The following TRIM14 variants were observed in gnomAD, a reference collection of about 807,000 sequenced individuals.
TRIM14 encodes the protein tripartite motif containing 14.
Under a neutral mutation model 44.5 loss-of-function variants are expected in TRIM14, and 28 were observed. That is an observed-to-expected ratio of 0.63 (90% CI 0.47 to 0.86). The LOEUF (loss-of-function observed/expected upper bound fraction) is 0.86. Ranked by LOEUF, TRIM14 falls within the 40% of genes least tolerant of loss-of-function variation. TRIM14 has a pLI of 0.00. For synonymous variants in TRIM14, 299 were observed against 269.2 expected (o/e 1.11, Z -1.08); for missense variants, 607 against 611.1 (o/e 0.99, Z 0.07).
the TRIM14 span, among the ~76,000 whole-genome samples, chr9:98,040,664 CTT>C: frequency 6.8e-6 from 1 of 146,526 alleles, no homozygotes; most frequent in Non-Finnish European, 1.5e-5. Context: ...ATTTTCTTTT[CTT>C]TTTTTTTTTG....
chr9:98,100,198 T>G lies in TRIM14; in HGVS notation c.304-34A>C, dbSNP rs1486418275. 3.8e-6 allele frequency: 6 copies of G among 1,579,452 alleles called. No individual in the cohort carries two copies. In the African/African-American group the frequency reaches 5.4e-5, roughly 14 times the overall value. ...AGAAAAACCAGTTGCAGATGACATG[T>G]CTGCCAACCAGGAAATCCAGAATAA... On this transcript the variant is annotated intron_variant, in intron 2 of 5. Coordinates refer to ENST00000341469, the MANE Select transcript of TRIM14 (RefSeq NM_014788.4).
At chr9:98,112,943 G>A (rs1372570267) in intron 1 of TRIM14, among the ~76,000 whole-genome samples, 2 of 151,270 alleles carry the variant, frequency 1.3e-5, no homozygotes, top group African/African-American at 4.9e-5. Context: ...GTGAAACCCC[G>A]TCTCTACTAA....
chr9:98,078,605 G>GT (rs1344046758), intron 6 of TRIM14, among the ~76,000 whole-genome samples: 1 of 152,050 alleles, frequency 6.6e-6, no homozygotes, highest in African/African-American at 2.4e-5. Context: ...GGAGGTCGAG[G>GT]TGGGCAGATC....
At chr9:98,056,797 C>T in the TRIM14 span, 29 of 1,609,508 alleles carry the variant, frequency 1.8e-5, no homozygotes, top group Admixed American at 1.7e-5. Context: ...CTTTGGACCC[C>T]GAGCCGCTGC....
the TRIM14 span, among the ~76,000 whole-genome samples, chr9:98,055,151 T>C: frequency 6.6e-6 from 1 of 152,144 alleles, no homozygotes; most frequent in East Asian, 1.9e-4. Context: ...TCCCAAGTAG[T>C]TGGGATTACA....
intron 2 of TRIM14, among the ~76,000 whole-genome samples, chr9:98,106,859 T>A (rs1826634286): frequency 6.7e-6 from 1 of 149,556 alleles, no homozygotes; most frequent in South Asian, 2.1e-4. Context: ...ATGGTCTCGC[T>A]CTGTCACCCA....
At chr9:98,043,795 C>T in the TRIM14 span, among the ~76,000 whole-genome samples, 2 of 151,148 alleles carry the variant, frequency 1.3e-5, no homozygotes, top group African/African-American at 4.9e-5. Flanking sequence ...AGAGTTAAAG[C>T]AAGCAGAAAA....
the TRIM14 span, among the ~76,000 whole-genome samples, chr9:98,041,919 G>A: frequency 6.6e-6 from 1 of 151,598 alleles, no homozygotes; most frequent in African/African-American, 2.4e-5. Context: ...CCTGACCTCA[G>A]TGATCTGCCC....
chr9:98,037,196 G>A, the TRIM14 span, among the ~76,000 whole-genome samples: 3 of 152,086 alleles, frequency 2.0e-5, no homozygotes, highest in African/African-American at 7.2e-5. Flanking sequence ...TGGCCAACAT[G>A]GTGAAAGCCT....
the TRIM14 span, among the ~76,000 whole-genome samples, chr9:98,059,716 CTT>C: frequency 6.6e-6 from 1 of 151,292 alleles, no homozygotes; most frequent in Non-Finnish European, 1.5e-5. Context: ...TGCCTGACCT[CTT>C]GAGTGTTTTT....
chr9:98,114,151 G>A (rs945209741), intron 1 of TRIM14, among the ~76,000 whole-genome samples: 4 of 152,116 alleles, frequency 2.6e-5, no homozygotes, highest in African/African-American at 9.7e-5. Flanking sequence ...TTATAAAAGC[G>A]TATTATTAAT....
At chr9:98,045,031 TG>T in the TRIM14 span, among the ~76,000 whole-genome samples, 1 of 152,120 alleles carries the variant, frequency 6.6e-6, no homozygotes, top group African/African-American at 2.4e-5. Context: ...GAGAATTGCC[TG>T]AACCCAGAAG....
At chr9:98,045,070 A>G in the TRIM14 span, among the ~76,000 whole-genome samples, 1 of 152,082 alleles carries the variant, frequency 6.6e-6, no homozygotes, top group Non-Finnish European at 1.5e-5. Flanking sequence ...CCAAGATTGC[A>G]CCACTGCACT....
At chr9:98,118,750 C>T (rs1389496082) in intron 1 of TRIM14, among the ~76,000 whole-genome samples, 2 of 152,194 alleles carry the variant, frequency 1.3e-5, no homozygotes, top group South Asian at 4.1e-4. Context: ...CACTCCTAAA[C>T]CCACCTTTTC....
the TRIM14 span, chr9:98,060,875 T>C: frequency 1.9e-6 from 3 of 1,614,128 alleles, no homozygotes; most frequent in Non-Finnish European, 2.5e-6. Context: ...CTCGAAGCAT[T>C]CCTGGGGGAA....
In TRIM14 at chr9:98,113,912, T is replaced by A. The variant is rs1489494687; in HGVS notation, c.208-3928A>T. ...ATTTTGTAGTGACCTGTGATTCTAT[T>A]TTGATCATGTGTTTTAAACCTTTCT... is the stretch of plus-strand genomic sequence containing the variant. On this transcript the variant is annotated intron_variant, in intron 1 of 5. Transcript: ENST00000341469. Among the ~76,000 whole-genome samples, 27 of 152,226 alleles carry A rather than the reference T, an allele frequency of 1.8e-4. 1 individual carries two copies. The highest frequency in any genetic ancestry group is 4.4e-5 in the Non-Finnish European group (3 of 68,044).
At chr9:98,050,474 AC>A in the TRIM14 span, among the ~76,000 whole-genome samples, 3 of 152,080 alleles carry the variant, frequency 2.0e-5, no homozygotes, top group African/African-American at 7.3e-5. Context: ...CAGAAGAAAA[AC>A]AAAACCTGGT....
At chr9:98,107,627 C>T (rs994671956) in intron 2 of TRIM14, among the ~76,000 whole-genome samples, 11 of 151,360 alleles carry the variant, frequency 7.3e-5, no homozygotes, top group South Asian at 2.1e-4. Context: ...AGGGATTGGT[C>T]GGGGGGATAC....
intron 1 of TRIM14, among the ~76,000 whole-genome samples, chr9:98,112,882 G>C (rs1458890836): frequency 6.7e-6 from 1 of 150,334 alleles, no homozygotes; most frequent in African/African-American, 2.4e-5. Context: ...AGGAGGCCGA[G>C]ACAGGTGGAT....
Sources: allele counts gnomAD v4.1 joint callset (sites outside exome capture counted in the v4.1 genomes callset), GRCh38; gene constraint gnomAD v4.1.1; transcripts MANE v1.5; gene names NCBI Gene and HGNC (gene_info 2026-07-23, HGNC 2026-07-21).